The following GPR155 variants were observed in gnomAD, a reference collection of about 807,000 sequenced individuals.
GPR155 encodes G protein-coupled receptor 155, also known as lysosomal cholesterol signaling protein.
In GPR155, 65 loss-of-function variants were observed where a neutral mutation model predicts 93.1. The observed-to-expected ratio is 0.70, with a 90% CI of 0.57 to 0.86. The LOEUF is 0.86. GPR155 is among the 40% of genes least tolerant of loss of function. GPR155 has a pLI of 0.00. For synonymous variants in GPR155, 319 were observed against 360.1 expected (o/e 0.89, Z 1.29); for missense variants, 838 against 1,034.8 (o/e 0.81, Z 2.61).
At position 174,461,542 on chromosome 2, in the gene GPR155, C is replaced by T. The variant is rs780670361; in HGVS notation, c.1469+46G>A. 1.3e-5 allele frequency: 20 copies of T among 1,551,072 alleles called. No homozygotes were observed. The South Asian group carries it at 2.1e-4, about 16-fold the overall frequency. On this transcript the variant is annotated intron_variant, in intron 8 of 15. Coordinates refer to ENST00000392552, the MANE Select transcript of GPR155 (RefSeq NM_152529.7). ...GAGAAAAAGAAAGGATGAATAGTAA[C>T]TGTCTATATGGAAAGGTGTAAGCAA...
intron 2 of GPR155, among the ~76,000 whole-genome samples, chr2:174,478,926 AT>A (rs911508252): frequency 3.9e-5 from 6 of 151,986 alleles, no homozygotes; most frequent in African/African-American, 1.5e-4. Context: ...CAGGCAGCAG[AT>A]ACTCACCCCT....
chr2:174,465,919 T>C lies in GPR155; in HGVS notation c.1267-17A>G, dbSNP rs1553517972. On this transcript the variant is annotated splice_polypyrimidine_tract_variant and intron_variant, in intron 6 of 15. Transcript: ENST00000392552. The stretch of plus-strand genomic sequence containing the variant: ...GACAATAGACTAAGGAAAAAATTAT[T>C]AAAAGACTTTGTAAATAGCTAAGAA... 8.5e-7 allele frequency: 1 copy of C among 1,179,606 alleles called. No homozygotes were observed. Among genetic ancestry groups the C allele is most frequent in the Non-Finnish European group, 1.3e-6 (1 of 796,516 alleles). 73.1% of individuals were successfully genotyped at this position (1,179,606 alleles called of 1,614,324 possible).
At chr2:174,485,228 G>T (rs567167118) in intron 1 of GPR155, among the ~76,000 whole-genome samples, 2 of 152,208 alleles carry the variant, frequency 1.3e-5, no homozygotes, top group South Asian at 2.1e-4. Flanking sequence ...TTTTCTCAGG[G>T]TGATGGTCAA....
In GPR155 at chr2:174,481,674, A is replaced by C. The variant is rs1010715759; in HGVS notation, c.283T>G (p.Phe95Val). The C allele has an allele frequency of 4.3e-6, 7 of 1,614,032 alleles. No individual in the cohort carries two copies. Among genetic ancestry groups the C allele is most frequent in the African/African-American group, 1.3e-5 (1 of 74,928 alleles). Residue 95 changes from phenylalanine (F) to valine (V), a missense_variant, in exon 2 of 16, where the codon TTT becomes GTT. Coordinates refer to ENST00000392552, the MANE Select transcript of GPR155 (RefSeq NM_152529.7). Reference sequence around the variant, plus strand: ...AGGAAGGACCAGTCCACATTGGAAAAATTAAGTACAACCATGTTTTTGAAT... The same window carrying C: ...AGGAAGGACCAGTCCACATTGGAAACATTAAGTACAACCATGTTTTTGAAT... ...LLFKNMVVLN[F>V]SNVDWSFLYS...
chr2:174,439,512 G>T (rs1686890269), intron 15 of GPR155, among the ~76,000 whole-genome samples: 1 of 152,094 alleles, frequency 6.6e-6, no homozygotes, highest in South Asian at 2.1e-4. Flanking sequence ...AAATACATTT[G>T]TCAAGAAATG....
chr2:174,471,399 A>AG (rs1029369409), intron 3 of GPR155, among the ~76,000 whole-genome samples: 18 of 151,126 alleles, frequency 1.2e-4, no homozygotes, highest in African/African-American at 4.4e-4. Context: ...TGTCTCAAAA[A>AG]AAAAAAAAAA....
At chr2:174,460,274 C>A (rs1482918572) in intron 9 of GPR155, among the ~76,000 whole-genome samples, 186 bp from the exon 10 acceptor site, 1 of 149,560 alleles carries the variant, frequency 6.7e-6, no homozygotes, top group Non-Finnish European at 1.5e-5. Context: ...CATTCTCCTG[C>A]CTCAGCCTCC....
intron 2 of GPR155, among the ~76,000 whole-genome samples, chr2:174,478,898 A>G (rs1165298222): frequency 6.6e-6 from 1 of 151,922 alleles, no homozygotes; most frequent in Non-Finnish European, 1.5e-5. Context: ...GCACAGCAGC[A>G]GTAATAAGTT....
intron 15 of GPR155, among the ~76,000 whole-genome samples, chr2:174,437,721 A>T (rs894046140): frequency 1.5e-4 from 22 of 151,318 alleles, no homozygotes; most frequent in Admixed American, 1.3e-3. Context: ...AGTAGATGGG[A>T]TTACAGGCAT....
Position 174,472,990 on chromosome 2 carries a change from GTAC to G in GPR155, c.832_834del (p.Val278del). 1 of 1,591,338 alleles carries G rather than the reference GTAC, an allele frequency of 6.3e-7. No homozygotes were observed. The highest frequency in any genetic ancestry group is 8.5e-7 in the Non-Finnish European group (1 of 1,174,694). On this transcript the variant is annotated inframe_deletion, in exon 3 of 16. Coordinates refer to ENST00000392552, the MANE Select transcript of GPR155 (RefSeq NM_152529.7). The stretch of plus-strand genomic sequence containing the variant: ...AGTTTAGCTGTGATGAGAAGAATTA[GTAC>G]TACAAATGCCGACTTCTTCAGTCTC...
chr2:174,438,596 C>G (rs1686860569), intron 15 of GPR155, among the ~76,000 whole-genome samples: 1 of 152,156 alleles, frequency 6.6e-6, no homozygotes, highest in Admixed American at 6.5e-5. Flanking sequence ...CAACCTCCAC[C>G]TCCCGGGTTC....
chr2:174,459,911 G>A lies in GPR155; in HGVS notation c.1738C>T (p.Pro580Ser). 2 of 1,613,596 alleles carry A rather than the reference G, an allele frequency of 1.2e-6. No individual in the cohort carries two copies. Among genetic ancestry groups the A allele is most frequent in the East Asian group, 4.5e-5 (2 of 44,860 alleles). ...FEESPAPVNE[P>S]ELFTSSIPET... The stretch of plus-strand genomic sequence containing the variant: ...GGAATAGAGCTTGTAAAAAGTTCTG[G>A]TTCATTTACTGGTGCTGGACTCTCC... Residue 580 changes from proline (P) to serine (S), a missense_variant, in exon 10 of 16, where the codon CCA (proline) becomes TCA (serine). Pro to Ser is a moderately conservative substitution (Grantham distance 74). Transcript: ENST00000392552.
intron 11 of GPR155, 141 bp downstream of exon 11, chr2:174,453,596 C>T: frequency 1.9e-6 from 1 of 515,206 alleles, no homozygotes; most frequent in Non-Finnish European, 3.5e-6. Flanking sequence ...GGAGGCACAG[C>T]TTGCAGTGAG....
At chr2:174,448,660 C>A (rs1430616911) in intron 11 of GPR155, among the ~76,000 whole-genome samples, 2 of 150,502 alleles carry the variant, frequency 1.3e-5, no homozygotes, top group Admixed American at 6.6e-5. Context: ...GCCTCAGCCT[C>A]CCGAGTAGCT....
intron 11 of GPR155, among the ~76,000 whole-genome samples, chr2:174,447,843 T>C (rs1049547562): frequency 6.1e-5 from 9 of 148,202 alleles, no homozygotes; most frequent in Non-Finnish European, 1.0e-4. Flanking sequence ...GTATATAATA[T>C]ATATTTTTAT....
chr2:174,438,898 A>G (rs1173158195), intron 15 of GPR155, among the ~76,000 whole-genome samples: 19 of 152,194 alleles, frequency 1.2e-4, no homozygotes, highest in Admixed American at 1.2e-3. Flanking sequence ...TTTTCTTCAT[A>G]GTTTACTGTT....
intron 7 of GPR155, among the ~76,000 whole-genome samples, chr2:174,462,518 A>G (rs538927334): frequency 1.3e-5 from 2 of 152,288 alleles, no homozygotes; most frequent in African/African-American, 4.8e-5. Context: ...CATGTTGCCC[A>G]TGCTGGTCTT....
chr2:174,448,530 G>GTTTTTTT (rs565221876), intron 11 of GPR155, among the ~76,000 whole-genome samples: 12 of 100,958 alleles, frequency 1.2e-4, no homozygotes, highest in African/African-American at 4.1e-4. Context: ...TTTGTTTTTT[G>GTTTTTTT]TTTTTTTTTT....
rs1170093912 is a variant in GPR155 at position 174,434,127 on chromosome 2, AT to A, written c.*1988del. 965 of 122,542 alleles carry A rather than the reference AT, an allele frequency of 7.9e-3. 8 individuals are homozygous for A. The highest frequency in any genetic ancestry group is 0.025 in the African/African-American group (783 of 30,896). The allele number at this position is 122,542 out of a possible 1,614,324, so 7.6% of individuals were successfully genotyped here. A position where few individuals can be genotyped will look rare whatever the true frequency, so the allele number is the denominator to read the frequency against. ...AGGTGCACACCACCACACCTGGCTA[AT>A]TTTTTTTTTTTTTTTTTTTTTTAGT... On this transcript the variant is annotated 3_prime_UTR_variant, in exon 16 of 16. Transcript: ENST00000392552.
Sources: allele counts gnomAD v4.1 joint callset (sites outside exome capture counted in the v4.1 genomes callset), GRCh38; gene constraint gnomAD v4.1.1; transcripts MANE v1.5; gene names NCBI Gene and HGNC (gene_info 2026-07-23, HGNC 2026-07-21).